Variants in ACOXL observed in about 807,000 individuals in gnomAD.
ACOXL encodes the protein acyl-coenzyme A oxidase-like protein.
A neutral mutation model predicts 71.9 loss-of-function variants in ACOXL; 70 were observed. The observed-to-expected ratio is 0.97, with a 90% CI of 0.80 to 1.19. The LOEUF is 1.19. Ranked by LOEUF, ACOXL falls within the 50% of genes most tolerant of loss-of-function variation. ACOXL has a pLI of 0.00. For synonymous variants in ACOXL, 253 were observed against 281.6 expected (o/e 0.90, Z 1.02); for missense variants, 703 against 736.3 (o/e 0.95, Z 0.52).
At chr2:110,935,029 C>A (rs956149876) in intron 12 of ACOXL, among the ~76,000 whole-genome samples, 9 of 152,206 alleles carry the variant, frequency 5.9e-5, no homozygotes, top group African/African-American at 2.2e-4. Flanking sequence ...GTGGCTGTCC[C>A]TTCAGTGAGC....
intron 16 of ACOXL, 69 bp downstream of exon 16, chr2:111,049,357 C>A: frequency 1.6e-6 from 2 of 1,236,244 alleles, no homozygotes; most frequent in South Asian, 1.3e-5. Flanking sequence ...AGGAGAGTTT[C>A]ATTTTTACAA....
chr2:110,814,489 T>A (rs532631292), intron 9 of ACOXL, among the ~76,000 whole-genome samples: 1 of 152,148 alleles, frequency 6.6e-6, no homozygotes, highest in Non-Finnish European at 1.5e-5. Flanking sequence ...TAATGAAATT[T>A]AGTAAGCCAA....
intron 9 of ACOXL, among the ~76,000 whole-genome samples, chr2:110,833,477 G>A (rs913468743): frequency 9.2e-5 from 14 of 152,114 alleles, no homozygotes; most frequent in Admixed American, 2.0e-4. Context: ...GGATGCTTGC[G>A]GGGATGGAGA....
At chr2:110,873,319 G>C (rs1695494696) in intron 10 of ACOXL, among the ~76,000 whole-genome samples, 1 of 152,084 alleles carries the variant, frequency 6.6e-6, no homozygotes, top group Admixed American at 6.5e-5. Context: ...TCTGGGAGGA[G>C]GCTCGGTGGC....
intron 16 of ACOXL, among the ~76,000 whole-genome samples, chr2:111,089,797 G>A (rs1425983907): frequency 2.6e-5 from 4 of 152,182 alleles, no homozygotes; most frequent in African/African-American, 9.7e-5. Context: ...GCCTTGCTTT[G>A]CATGTAAAAG....
In ACOXL at chr2:110,886,762, T is replaced by C. The variant is rs1276070512; in HGVS notation, c.789-22027T>C. On this transcript the variant is annotated intron_variant, in intron 10 of 17. Coordinates refer to ENST00000439055, the MANE Select transcript of ACOXL (RefSeq NM_001142807.4). Reference sequence around the variant, plus strand: ...GAACTGAATTTGTTGCCATCTCACTTTTCTGTCCCTTTTTCTAGGTCCAGA... The same window carrying C: ...GAACTGAATTTGTTGCCATCTCACTCTTCTGTCCCTTTTTCTAGGTCCAGA... 3 of 1,550,736 alleles carry C rather than the reference T, an allele frequency of 1.9e-6. No homozygotes were observed. In the African/African-American group the frequency reaches 4.1e-5, roughly 21 times the overall value.
In ACOXL at chr2:110,968,027, CT is replaced by C; in HGVS notation, c.1060-19079del. On this transcript the variant is annotated intron_variant, in intron 12 of 17. Transcript: ENST00000439055. ...AACAGAGATATCATTAGTCAGATTG[CT>C]TATGCCCGTATAGAGGGGGATATGA... 6.6e-6 allele frequency: 7 copies of C among 1,065,930 alleles called. No homozygotes were observed. The South Asian group carries it at 8.7e-5, about 13-fold the overall frequency. The allele number at this position is 1,065,930 out of a possible 1,614,324, so 66.0% of individuals were successfully genotyped here. A position where few individuals can be genotyped will look rare whatever the true frequency, so the allele number is the denominator to read the frequency against.
intron 2 of ACOXL, among the ~76,000 whole-genome samples, chr2:110,779,372 A>G (rs1683053633): frequency 6.6e-6 from 1 of 152,204 alleles, no homozygotes; most frequent in South Asian, 2.1e-4. Flanking sequence ...AACTGGAGTC[A>G]TTGGAGGTGT....
intron 16 of ACOXL, among the ~76,000 whole-genome samples, chr2:111,089,413 A>G (rs1490224028): frequency 6.6e-6 from 1 of 152,256 alleles, no homozygotes; most frequent in Non-Finnish European, 1.5e-5. Flanking sequence ...ATTCCATTAA[A>G]TAAGTTTCCA....
chr2:111,116,710 A>G (rs2070378911), intron 17 of ACOXL, among the ~76,000 whole-genome samples: 1 of 152,200 alleles, frequency 6.6e-6, no homozygotes, highest in South Asian at 2.1e-4. Flanking sequence ...GAAAACTTGA[A>G]AAATGGAGTA....
chr2:110,933,695 G>T, intron 12 of ACOXL, 53 bp downstream of exon 12: 2 of 1,550,346 alleles, frequency 1.3e-6, no homozygotes, highest in Non-Finnish European at 1.7e-6. Context: ...AACCCACACT[G>T]GGGGAGCACT....
chr2:110,866,397 G>A (rs1475583110), intron 10 of ACOXL, among the ~76,000 whole-genome samples: 1 of 152,208 alleles, frequency 6.6e-6, no homozygotes, highest in Non-Finnish European at 1.5e-5. Context: ...GGGTGATGAA[G>A]TAGGATTAGT....
In ACOXL at chr2:110,799,051, C is replaced by T. The variant is rs200491300; in HGVS notation, c.498C>T (p.Asn166=). Residue 166 remains asparagine, a synonymous_variant, in exon 7 of 18, where the codon AAC becomes AAT. Transcript: ENST00000439055. ...HCFIVPVRDE[N]GSLYPGVTAI... is the part of the protein sequence containing the mutation. The stretch of plus-strand genomic sequence containing the variant: ...TCATCGTTCCTGTCCGGGATGAAAA[C>T]GGAAGCTTGTACCCAGGAGTCACAG... 218 of 1,613,670 alleles carry T rather than the reference C, an allele frequency of 1.4e-4. No individual in the cohort carries two copies. Among genetic ancestry groups the T allele is most frequent in the South Asian group, 4.7e-4 (43 of 91,064 alleles).
At chr2:110,768,788 T>A (rs1388770861) in intron 2 of ACOXL, among the ~76,000 whole-genome samples, 1 of 152,166 alleles carries the variant, frequency 6.6e-6, no homozygotes, top group Non-Finnish European at 1.5e-5. Flanking sequence ...CACTTATAAG[T>A]AAGAACGTGC....
At chr2:110,949,697 T>G (rs2149402140) in intron 12 of ACOXL, among the ~76,000 whole-genome samples, 1 of 152,336 alleles carries the variant, frequency 6.6e-6, no homozygotes, top group Non-Finnish European at 1.5e-5. Context: ...GTCCCTGCTA[T>G]GAAGAAGCAC....
At chr2:110,932,393 CAT>C (rs1187642032) in intron 11 of ACOXL, among the ~76,000 whole-genome samples, 2 of 151,822 alleles carry the variant, frequency 1.3e-5, no homozygotes, top group African/African-American at 2.4e-5. Context: ...TCATTGTAAA[CAT>C]ATTATTTCTC....
intron 10 of ACOXL, among the ~76,000 whole-genome samples, chr2:110,861,147 A>G (rs1396535670): frequency 6.6e-6 from 1 of 152,202 alleles, no homozygotes; most frequent in Admixed American, 6.5e-5. Flanking sequence ...AACAACATCA[A>G]CAATAACAAC....
intron 10 of ACOXL, among the ~76,000 whole-genome samples, chr2:110,900,807 A>C (rs548048246): frequency 2.0e-3 from 303 of 152,342 alleles, no homozygotes; most frequent in African/African-American, 7.0e-3. Context: ...CCTCAAACAA[A>C]GAATCTGAAA....
intron 10 of ACOXL, among the ~76,000 whole-genome samples, chr2:110,900,157 G>A (rs2059176401): frequency 6.6e-6 from 1 of 150,998 alleles, no homozygotes; most frequent in Non-Finnish European, 1.5e-5. Flanking sequence ...AGTGGACTTA[G>A]CTTGTTTTCT....
Sources: allele counts gnomAD v4.1 joint callset (sites outside exome capture counted in the v4.1 genomes callset), GRCh38; gene constraint gnomAD v4.1.1; transcripts MANE v1.5; gene names NCBI Gene and HGNC (gene_info 2026-07-23, HGNC 2026-07-21).